Variants in ADAMTSL1 observed in about 807,000 individuals in gnomAD.
The protein encoded by ADAMTSL1 is ADAMTS-like protein 1.
Under a neutral mutation model 201.8 loss-of-function variants are expected in ADAMTSL1, and 126 were observed. The ratio of observed to expected loss-of-function variants is 0.62; its 90% confidence interval spans 0.54 to 0.72. The LOEUF is 0.72. ADAMTSL1 is among the 30% of genes least tolerant of loss of function. The probability of loss-of-function intolerance (pLI) is 0.00; values close to 1 mark genes in which losing one functional copy is unlikely to be tolerated. For synonymous variants in ADAMTSL1, 1,121 were observed against 903.4 expected (o/e 1.24, Z -4.32); for missense variants, 2,679 against 2,277.8 (o/e 1.18, Z -3.59).
At chr9:18,548,349 T>C (rs184983768) in intron 3 of ADAMTSL1, among the ~76,000 whole-genome samples, 1 of 152,198 alleles carries the variant, frequency 6.6e-6, no homozygotes, top group East Asian at 1.9e-4. Flanking sequence ...TTGTGCTTTT[T>C]TGGTGATTTC....
intron 17 of ADAMTSL1, among the ~76,000 whole-genome samples, chr9:18,771,705 CTTTTTTTTTTTTTTT>C (rs374268861): frequency 1.6e-4 from 15 of 91,756 alleles, no homozygotes; most frequent in Middle Eastern, 6.9e-3. Flanking sequence ...ACCCCAGTGC[CTTTTTTTTTTTTTTT>C]TTTTTTTTTT....
intron 3 of ADAMTSL1, among the ~76,000 whole-genome samples, chr9:18,540,870 A>T (rs1376429179): frequency 5.9e-5 from 9 of 152,160 alleles, no homozygotes. Flanking sequence ...AAATGTGCCA[A>T]ATCCCCCACC....
chr9:18,344,972 C>T (rs1430453407), intron 2 of ADAMTSL1, among the ~76,000 whole-genome samples: 3 of 152,128 alleles, frequency 2.0e-5, no homozygotes, highest in African/African-American at 7.2e-5. Flanking sequence ...GTGGATATCC[C>T]TCCACTAAGC....
chr9:18,412,470 T>C (rs1176980132), intron 2 of ADAMTSL1, among the ~76,000 whole-genome samples: 1 of 152,224 alleles, frequency 6.6e-6, no homozygotes, highest in Admixed American at 6.5e-5. Context: ...ATTTATTAAC[T>C]CTTTTTCATA....
At chr9:17,912,981 A>T (rs1825948329) in intron 1 of ADAMTSL1, among the ~76,000 whole-genome samples, 1 of 152,092 alleles carries the variant, frequency 6.6e-6, no homozygotes, top group Non-Finnish European at 1.5e-5. Flanking sequence ...GGTTTGTCAA[A>T]GTTCAGATAG....
At chr9:18,858,319 G>A (rs568186532) in intron 23 of ADAMTSL1, among the ~76,000 whole-genome samples, 122 of 151,870 alleles carry the variant, frequency 8.0e-4, no homozygotes, top group African/African-American at 2.4e-3. Flanking sequence ...TGCTGTCCTC[G>A]CCTCACTCAG....
chr9:18,780,986 A>T (rs1278594936), intron 19 of ADAMTSL1, among the ~76,000 whole-genome samples: 1 of 152,174 alleles, frequency 6.6e-6, no homozygotes, highest in African/African-American at 2.4e-5. Context: ...TCCTTTAATC[A>T]CTGAACAATT....
intron 4 of ADAMTSL1, among the ~76,000 whole-genome samples, chr9:18,613,610 GAACAAA>G (rs1200673869): frequency 6.6e-6 from 1 of 151,940 alleles, no homozygotes; most frequent in African/African-American, 2.4e-5. Context: ...ACTGACACAA[GAACAAA>G]AACAAAAAAC....
At chr9:18,442,118 T>G (rs1262645924) in intron 2 of ADAMTSL1, among the ~76,000 whole-genome samples, 1 of 152,184 alleles carries the variant, frequency 6.6e-6, no homozygotes, top group East Asian at 1.9e-4. Context: ...ACACTCTCCA[T>G]AGATGAAATT....
At chr9:17,990,098 TG>T (rs1381230472) in intron 1 of ADAMTSL1, among the ~76,000 whole-genome samples, 2 of 151,568 alleles carry the variant, frequency 1.3e-5, no homozygotes, top group Admixed American at 6.6e-5. Flanking sequence ...AAAATTGGGG[TG>T]GGGGGCACAC....
intron 2 of ADAMTSL1, among the ~76,000 whole-genome samples, chr9:18,451,165 A>G (rs1157525879): frequency 6.6e-6 from 1 of 152,096 alleles, no homozygotes; most frequent in African/African-American, 2.4e-5. Flanking sequence ...TTCAAGGAAA[A>G]CCATTTTATC....
chr9:18,446,334 G>A (rs543858023), intron 2 of ADAMTSL1, among the ~76,000 whole-genome samples: 35 of 152,296 alleles, frequency 2.3e-4, no homozygotes, highest in African/African-American at 6.7e-4. Flanking sequence ...GTCTAGATTC[G>A]TGCTGGTATA....
At chr9:18,892,359 G>A (rs1262025193) in intron 25 of ADAMTSL1, 30 bp from the exon 26 acceptor site, 6 of 1,596,156 alleles carry the variant, frequency 3.8e-6, no homozygotes, top group Non-Finnish European at 5.1e-6. Context: ...GTCCCTTTAG[G>A]GCTCTCCTGA....
chr9:18,711,585 C>G (rs570808898), intron 14 of ADAMTSL1, among the ~76,000 whole-genome samples: 2 of 152,242 alleles, frequency 1.3e-5, no homozygotes, highest in African/African-American at 4.8e-5. Context: ...GCACCTGGCT[C>G]GGAGGGTCCT....
At chr9:17,978,961 GTTT>G (rs57502483) in intron 1 of ADAMTSL1, among the ~76,000 whole-genome samples, 1 of 148,632 alleles carries the variant, frequency 6.7e-6, no homozygotes, top group Non-Finnish European at 1.5e-5. Flanking sequence ...TTGGTTGACA[GTTT>G]TTTTTTTTCT....
At chr9:18,538,063 T>A (rs1819903104) in intron 3 of ADAMTSL1, among the ~76,000 whole-genome samples, 1 of 151,754 alleles carries the variant, frequency 6.6e-6, no homozygotes, top group Admixed American at 6.6e-5. Context: ...GAGAGTAGAA[T>A]GGGACTTATA....
chr9:17,934,832 C>G (rs1418932413), intron 1 of ADAMTSL1, among the ~76,000 whole-genome samples: 1 of 151,502 alleles, frequency 6.6e-6, no homozygotes, highest in African/African-American at 2.4e-5. Context: ...GCCCCAGACT[C>G]CATCCCCATT....
chr9:18,172,347 A>C (rs1827937465), intron 2 of ADAMTSL1, among the ~76,000 whole-genome samples: 1 of 152,130 alleles, frequency 6.6e-6, no homozygotes, highest in South Asian at 2.1e-4. Flanking sequence ...AATCATTAGA[A>C]GGACACATGG....
chr9:18,815,711 C>CAAAAAAAAAAAAAAAAAAAAAAAA, intron 20 of ADAMTSL1, among the ~76,000 whole-genome samples: 1 of 67,960 alleles, frequency 1.5e-5, no homozygotes, highest in Non-Finnish European at 2.8e-5. Flanking sequence ...AACCCTGTCT[C>CAAAAAAAAAAAAAAAAAAAAAAAA]AAAAAAAAAA....
Sources: allele counts gnomAD v4.1 joint callset (sites outside exome capture counted in the v4.1 genomes callset), GRCh38; gene constraint gnomAD v4.1.1; transcripts MANE v1.5; gene names NCBI Gene and HGNC (gene_info 2026-07-23, HGNC 2026-07-21).